PALLD: variants seen among roughly 807,000 people sequenced by gnomAD.
PALLD encodes palladin, cytoskeletal associated protein.
Under a neutral mutation model 123.5 loss-of-function variants are expected in PALLD, and 61 were observed. The observed-to-expected ratio is 0.49, with a 90% CI of 0.40 to 0.61. The LOEUF (loss-of-function observed/expected upper bound fraction) is 0.61, where lower values mean the gene tolerates loss of function less well. Ranked by LOEUF, PALLD falls within the 20% of genes least tolerant of loss-of-function variation. PALLD has a pLI of 0.00. For synonymous variants in PALLD, 465 were observed against 496.4 expected (o/e 0.94, Z 0.84); for missense variants, 1,273 against 1,377.0 (o/e 0.92, Z 1.20).
chr4:168,583,243 C>T (rs537872575), intron 2 of PALLD, among the ~76,000 whole-genome samples: 2 of 152,162 alleles, frequency 1.3e-5, no homozygotes, highest in Admixed American at 6.5e-5. Flanking sequence ...ATTGTTCCTA[C>T]AATATTTTGC....
intron 2 of PALLD, among the ~76,000 whole-genome samples, chr4:168,521,286 G>A (rs1237142892): frequency 2.0e-5 from 3 of 152,134 alleles, no homozygotes; most frequent in African/African-American, 7.2e-5. Context: ...CTTAGTGGTG[G>A]ACAGTAGAGG....
intron 2 of PALLD, among the ~76,000 whole-genome samples, chr4:168,632,503 T>C (rs1051450806): frequency 6.6e-6 from 1 of 152,112 alleles, no homozygotes; most frequent in Admixed American, 6.5e-5. Context: ...GTTTGCTTGT[T>C]TGTTTGTTTT....
chr4:168,729,430 C>A (rs59893369), intron 10 of PALLD, among the ~76,000 whole-genome samples: 630 of 152,142 alleles, frequency 4.1e-3, no homozygotes, highest in African/African-American at 0.014. Context: ...TCCCAAGGTG[C>A]TAGGATTACA....
chr4:168,690,423 G>C (rs889326736), intron 6 of PALLD, among the ~76,000 whole-genome samples, 180 bp from the exon 7 acceptor site: 2 of 152,218 alleles, frequency 1.3e-5, no homozygotes, highest in Non-Finnish European at 2.9e-5. Flanking sequence ...CTGATAATCG[G>C]TGGGTCCAAA....
intron 10 of PALLD, among the ~76,000 whole-genome samples, chr4:168,842,562 T>A (rs1746187751): frequency 6.6e-6 from 1 of 152,236 alleles, no homozygotes; most frequent in African/African-American, 2.4e-5. Flanking sequence ...AAGTCTATCT[T>A]CTGATGGGCT....
intron 6 of PALLD, among the ~76,000 whole-genome samples, chr4:168,688,192 A>G (rs1782270074): frequency 6.6e-6 from 1 of 152,154 alleles, no homozygotes; most frequent in African/African-American, 2.4e-5. Context: ...TTACTTTGTC[A>G]CTCATAGCAC....
intron 10 of PALLD, among the ~76,000 whole-genome samples, chr4:168,761,289 A>G (rs1276529038): frequency 6.6e-6 from 1 of 152,080 alleles, no homozygotes; most frequent in Non-Finnish European, 1.5e-5. Context: ...TGGAAGTTTC[A>G]CCAATGAGTC....
chr4:168,916,684 CTTTTT>C lies in PALLD; in HGVS notation c.2850+668_2850+672del, dbSNP rs545906704. On this transcript the variant is annotated intron_variant, in intron 17 of 21. Transcript: ENST00000505667. ...CTTTTATTCCTCCCATTTTCTAATT[CTTTTT>C]TTTTTTTTTTGAGACAGAGTCTCAC... Among the ~76,000 whole-genome samples the C allele has an allele frequency of 1.5e-5, 2 of 136,450 alleles. 1 individual carries two copies. The highest frequency in any genetic ancestry group is 4.5e-4 in the South Asian group (2 of 4,428). 89.5% of individuals were successfully genotyped at this position (136,450 alleles called of 152,430 possible).
intron 10 of PALLD, among the ~76,000 whole-genome samples, chr4:168,753,500 T>C (rs1731348759): frequency 6.6e-6 from 1 of 152,078 alleles, no homozygotes; most frequent in Non-Finnish European, 1.5e-5. Flanking sequence ...CCATGAATCT[T>C]GTCTCCTGGT....
intron 17 of PALLD, among the ~76,000 whole-genome samples, chr4:168,916,958 A>G (rs1236224048): frequency 6.8e-6 from 1 of 146,778 alleles, no homozygotes; most frequent in African/African-American, 2.5e-5. Flanking sequence ...TGTGAGCCAC[A>G]GTGCCCCGCC....
chr4:168,772,676 C>T (rs1298014542), intron 10 of PALLD, among the ~76,000 whole-genome samples: 2 of 152,176 alleles, frequency 1.3e-5, no homozygotes, highest in East Asian at 3.8e-4. Context: ...GTGCCTGACA[C>T]TGTAGTGGAG....
intron 2 of PALLD, chr4:168,647,912 C>G (rs1328123037): frequency 6.6e-6 from 1 of 152,016 alleles, no homozygotes; most frequent in Non-Finnish European, 1.5e-5. Flanking sequence ...TGAAAAGCTC[C>G]CATTTATTTA....
At chr4:168,830,757 A>G (rs1487702036) in intron 10 of PALLD, among the ~76,000 whole-genome samples, 1 of 152,216 alleles carries the variant, frequency 6.6e-6, no homozygotes, top group African/African-American at 2.4e-5. Flanking sequence ...CAATAAAGAT[A>G]TTTCCGAGAG....
intron 10 of PALLD, among the ~76,000 whole-genome samples, chr4:168,836,732 G>A (rs77808233): frequency 0.018 from 2,720 of 152,266 alleles, 68 homozygotes; most frequent in African/African-American, 0.06. Flanking sequence ...AACCTACTGC[G>A]AAGTAGGCGG....
chr4:168,799,794 CTTTTCCCTGAGGCAGAAAAT>C (rs1739055457), intron 10 of PALLD, among the ~76,000 whole-genome samples: 1 of 115,414 alleles, frequency 8.7e-6, no homozygotes, highest in Non-Finnish European at 2.2e-5. Context: ...ACATTATATT[CTTTTCCCTGAGGCAGAAAAT>C]GTAAATAATA....
In PALLD at chr4:168,749,758, G is replaced by A. The variant is rs1581262126; in HGVS notation, c.1964+37835G>A. Reference sequence around the variant, plus strand: ...TTTATTTTAGGTTCAGGAGGTACACGTGCAGATTTGTTACATGGGGGTATT... The same window carrying A: ...TTTATTTTAGGTTCAGGAGGTACACATGCAGATTTGTTACATGGGGGTATT... On this transcript the variant is annotated intron_variant, in intron 10 of 21. Coordinates refer to ENST00000505667, the MANE Select transcript of PALLD (RefSeq NM_001166108.2). Among the ~76,000 whole-genome samples, 3 of 152,202 alleles carry A rather than the reference G, an allele frequency of 2.0e-5. 1 individual carries two copies. In the East Asian group the frequency reaches 5.8e-4, roughly 29 times the overall value.
chr4:168,573,414 C>T (rs1769198156), intron 2 of PALLD, among the ~76,000 whole-genome samples: 1 of 152,020 alleles, frequency 6.6e-6, no homozygotes, highest in Admixed American at 6.6e-5. Flanking sequence ...AGTTCCTTAT[C>T]AGCTGAGTTT....
At chr4:168,731,604 T>G (rs1159083494) in intron 10 of PALLD, among the ~76,000 whole-genome samples, 1 of 152,262 alleles carries the variant, frequency 6.6e-6, no homozygotes, top group African/African-American at 2.4e-5. Context: ...GAATCCTTTG[T>G]TATTTGACGC....
intron 2 of PALLD, among the ~76,000 whole-genome samples, chr4:168,530,347 C>A (rs1224771727): frequency 6.6e-6 from 1 of 152,096 alleles, no homozygotes; most frequent in African/African-American, 2.4e-5. Flanking sequence ...ATGTGTTGGA[C>A]ATTTATAGAA....
Sources: allele counts gnomAD v4.1 joint callset (sites outside exome capture counted in the v4.1 genomes callset), GRCh38; gene constraint gnomAD v4.1.1; transcripts MANE v1.5; gene names NCBI Gene and HGNC (gene_info 2026-07-23, HGNC 2026-07-21).